The following HS6ST2 variants were observed in gnomAD, a reference collection of about 807,000 sequenced individuals.
HS6ST2 encodes the protein heparan-sulfate 6-O-sulfotransferase 2.
HS6ST2 carries 17 observed loss-of-function variants against 33.0 expected under a neutral mutation model. The ratio of observed to expected loss-of-function variants is 0.52; its 90% CI spans 0.35 to 0.77. HS6ST2 has a LOEUF of 0.77. Ranked by LOEUF, HS6ST2 falls within the 30% of genes least tolerant of loss-of-function variation. The probability of loss-of-function intolerance (pLI) is 0.01; values close to 1 mark genes in which losing one functional copy is unlikely to be tolerated. For missense variants in HS6ST2, 519 were observed against 551.7 expected (o/e 0.94, Z 0.59); for synonymous variants, 248 against 237.1 (o/e 1.05, Z -0.42).
At chrX:132,697,610 T>C (rs946023705) in intron 3 of HS6ST2, among the ~76,000 whole-genome samples, 8 of 112,077 alleles carry the variant, frequency 7.1e-5, no homozygotes, top group Non-Finnish European at 5.6e-5. Flanking sequence ...GAAATGAACA[T>C]ACCTGCCCCA....
intron 2 of HS6ST2, among the ~76,000 whole-genome samples, chrX:132,818,052 C>G (rs745626786): frequency 9.0e-6 from 1 of 111,392 alleles, no homozygotes; most frequent in South Asian, 3.9e-4. Flanking sequence ...ATTTTTGCAT[C>G]TAGTTTGAAG....
chrX:132,800,126 C>T (rs755490331), intron 2 of HS6ST2, among the ~76,000 whole-genome samples: 10 of 111,903 alleles, frequency 8.9e-5, no homozygotes, highest in African/African-American at 1.6e-4. Context: ...GGTAGATGAG[C>T]GAGCTAAGCT....
intron 4 of HS6ST2, among the ~76,000 whole-genome samples, chrX:132,634,044 C>T (rs1210335530): frequency 1.8e-5 from 2 of 112,165 alleles, no homozygotes; most frequent in Non-Finnish European, 3.8e-5. Flanking sequence ...CGCTGGAACG[C>T]AATCTATATT....
At chrX:132,834,448 G>C (rs2065622653) in intron 2 of HS6ST2, among the ~76,000 whole-genome samples, 1 of 111,539 alleles carries the variant, frequency 9.0e-6, no homozygotes, top group Non-Finnish European at 1.9e-5. Context: ...AAATGCCTCT[G>C]CTTTAGGTCA....
intron 2 of HS6ST2, among the ~76,000 whole-genome samples, chrX:132,749,477 A>G (rs2064678619): frequency 8.9e-6 from 1 of 112,498 alleles, no homozygotes; most frequent in Non-Finnish European, 1.9e-5. Flanking sequence ...TGGCCGTGTT[A>G]GACTGGTCTA....
At chrX:132,763,967 T>C (rs1249046292) in intron 2 of HS6ST2, among the ~76,000 whole-genome samples, 1 of 112,726 alleles carries the variant, frequency 8.9e-6, no homozygotes, top group Non-Finnish European at 1.9e-5. Context: ...AGAACAAATG[T>C]CACTTGGAAT....
chrX:132,903,360 A>G (rs2066443015), intron 2 of HS6ST2, among the ~76,000 whole-genome samples: 1 of 112,058 alleles, frequency 8.9e-6, no homozygotes, highest in Non-Finnish European at 1.9e-5. Flanking sequence ...TGTTAACATG[A>G]CAATACTCCC....
chrX:132,754,230 G>A (rs906981598), intron 2 of HS6ST2, among the ~76,000 whole-genome samples: 1 of 110,031 alleles, frequency 9.1e-6, no homozygotes, highest in African/African-American at 3.3e-5. Context: ...TCATAAGTAG[G>A]CTGTGGTTAT....
chrX:132,736,386 T>C (rs1401743346), intron 2 of HS6ST2, among the ~76,000 whole-genome samples: 1 of 112,219 alleles, frequency 8.9e-6, no homozygotes, highest in Non-Finnish European at 1.9e-5. Flanking sequence ...ATATAGCTTC[T>C]GTTAGTTTGC....
At chrX:132,824,811 C>G (rs1353820149) in intron 2 of HS6ST2, among the ~76,000 whole-genome samples, 1 of 112,262 alleles carries the variant, frequency 8.9e-6, no homozygotes, top group African/African-American at 3.2e-5. Flanking sequence ...TTATATTCAG[C>G]AGGGTCAACA....
intron 2 of HS6ST2, among the ~76,000 whole-genome samples, chrX:132,864,711 C>T (rs749608761): frequency 5.4e-5 from 6 of 110,409 alleles, no homozygotes; most frequent in South Asian, 8.0e-4. Context: ...AGAACGTCCC[C>T]GACCTAGCAA....
At chrX:132,786,654 G>T (rs1373656610) in intron 2 of HS6ST2, among the ~76,000 whole-genome samples, 2 of 103,214 alleles carry the variant, frequency 1.9e-5, no homozygotes, top group African/African-American at 7.2e-5. Flanking sequence ...TTTCGCTCTT[G>T]TTACCTAGGC....
At chrX:132,833,167 G>T (rs2065607114) in intron 2 of HS6ST2, among the ~76,000 whole-genome samples, 1 of 111,354 alleles carries the variant, frequency 9.0e-6, no homozygotes, top group African/African-American at 3.3e-5. Flanking sequence ...TTATCAAGTA[G>T]ATTTACGTTA....
At chrX:132,887,438 T>C (rs1414922880) in intron 2 of HS6ST2, among the ~76,000 whole-genome samples, 3 of 112,103 alleles carry the variant, frequency 2.7e-5, no homozygotes, top group Non-Finnish European at 5.6e-5. Context: ...GAAATTAAAT[T>C]AAAAGCAAAA....
At position 132,722,611 on chromosome X, in the gene HS6ST2, C is replaced by A. The variant is rs1259548291; in HGVS notation, c.948-14117G>T. On this transcript the variant is annotated intron_variant, in intron 2 of 4. Coordinates refer to ENST00000370833, the MANE Select transcript of HS6ST2 (RefSeq NM_001394073.1). ...CTCTATGGAGAAATGTTAACATTTTCATAATAAAACTAATAGAGTCCAGTC... is the reference window on the plus strand; with the variant it reads ...CTCTATGGAGAAATGTTAACATTTTAATAATAAAACTAATAGAGTCCAGTC... 2.7e-5 allele frequency among the ~76,000 whole-genome samples: 3 copies of A among 111,510 alleles called. No homozygotes were observed. In the Admixed American group the frequency reaches 2.9e-4, roughly 11 times the overall value.
intron 2 of HS6ST2, among the ~76,000 whole-genome samples, chrX:132,810,123 A>T (rs183719707): frequency 1.8e-5 from 2 of 111,953 alleles, no homozygotes; most frequent in East Asian, 5.6e-4. Flanking sequence ...GTATCACTTT[A>T]GGCTGGGCAT....
chrX:132,831,300 A>G (rs1171116314), intron 2 of HS6ST2, among the ~76,000 whole-genome samples: 1 of 111,095 alleles, frequency 9.0e-6, no homozygotes, highest in African/African-American at 3.3e-5. Context: ...CCACTAACCA[A>G]CTTTGTAGCA....
intron 2 of HS6ST2, among the ~76,000 whole-genome samples, chrX:132,894,140 G>C (rs758605358): frequency 6.9e-5 from 7 of 102,065 alleles, no homozygotes; most frequent in South Asian, 4.6e-4. Flanking sequence ...TTTTTTTTGT[G>C]GGGGGGGAGG....
chrX:132,655,057 T>C (rs988110360), intron 4 of HS6ST2, among the ~76,000 whole-genome samples: 1 of 112,182 alleles, frequency 8.9e-6, no homozygotes, highest in Admixed American at 9.5e-5. Flanking sequence ...ACTAGAAAAT[T>C]AGGTGCTTAA....
Sources: allele counts gnomAD v4.1 joint callset (sites outside exome capture counted in the v4.1 genomes callset), GRCh38; gene constraint gnomAD v4.1.1; transcripts MANE v1.5; gene names NCBI Gene and HGNC (gene_info 2026-07-23, HGNC 2026-07-21).